DAB1: variants seen among roughly 807,000 people sequenced by gnomAD.
The protein encoded by DAB1 is disabled homolog 1.
In DAB1, 15 loss-of-function variants were observed where a neutral mutation model predicts 64.6. The ratio of observed to expected loss-of-function variants is 0.23; its 90% CI spans 0.16 to 0.36. The LOEUF (loss-of-function observed/expected upper bound fraction) is 0.36. DAB1 is among the 10% of genes least tolerant of loss of function. The pLI is 1.00. For missense variants in DAB1, 596 were observed against 706.7 expected, an observed-to-expected ratio of 0.84 and a Z score of 1.78; for synonymous variants, 235 against 251.9, an observed-to-expected ratio of 0.93 and a Z score of 0.64.
intron 7 of DAB1, among the ~76,000 whole-genome samples, chr1:57,557,803 G>A (rs1645007533): frequency 6.6e-6 from 1 of 152,080 alleles, no homozygotes; most frequent in Non-Finnish European, 1.5e-5. Flanking sequence ...GGAAAACCAA[G>A]GAACATAATG....
At chr1:58,240,704 A>G (rs754982023) in intron 4 of DAB1, among the ~76,000 whole-genome samples, 3 of 152,224 alleles carry the variant, frequency 2.0e-5, no homozygotes, top group East Asian at 3.8e-4. Flanking sequence ...AGCCAAAGCT[A>G]TATTTTCACT....
intron 4 of DAB1, among the ~76,000 whole-genome samples, chr1:58,289,861 G>T (rs1390214173): frequency 6.6e-6 from 1 of 152,152 alleles, no homozygotes. Flanking sequence ...CTACCCAAAA[G>T]ATGGCCCACA....
Position 57,125,935 on chromosome 1 carries a change from G to A in DAB1, c.306+10608C>T, listed in dbSNP as rs1657092660. 3.3e-5 allele frequency among the ~76,000 whole-genome samples: 5 copies of A among 152,104 alleles called. No individual in the cohort carries two copies. In the South Asian group the frequency reaches 8.3e-4, roughly 25 times the overall value. On this transcript the variant is annotated intron_variant, in intron 4 of 14. Transcript: ENST00000371236. ...CCAGAGGCTTCTTGACTTTTACAAC[G>A]AAAAATTCAGTGCAATTCCACAAAT...
chr1:57,640,577 G>C (rs767525061), intron 7 of DAB1, among the ~76,000 whole-genome samples: 1 of 152,082 alleles, frequency 6.6e-6, no homozygotes, highest in Non-Finnish European at 1.5e-5. Flanking sequence ...ACTTCAAAAA[G>C]CTTATTGCAC....
At chr1:57,245,718 T>G (rs1375729578) in intron 2 of DAB1, among the ~76,000 whole-genome samples, 2 of 152,258 alleles carry the variant, frequency 1.3e-5, no homozygotes, top group African/African-American at 4.8e-5. Context: ...TCTTTACTAT[T>G]GCGAATAGTG....
chr1:57,171,347 T>G (rs1329273498), intron 2 of DAB1, among the ~76,000 whole-genome samples: 1 of 152,236 alleles, frequency 6.6e-6, no homozygotes, highest in East Asian at 1.9e-4. Context: ...GTTTGCTTAG[T>G]ACAATGCAAA....
upstream of DAB1, among the ~76,000 whole-genome samples, chr1:57,888,860 AAAT>A (rs1370832646): frequency 2.6e-4 from 39 of 152,362 alleles, no homozygotes; most frequent in African/African-American, 9.1e-4. Context: ...TTTAAAAAGT[AAAT>A]AATATTTAGT....
At chr1:57,022,168 T>A (rs561251714) in intron 11 of DAB1, among the ~76,000 whole-genome samples, 5 of 152,196 alleles carry the variant, frequency 3.3e-5, no homozygotes, top group Non-Finnish European at 7.3e-5. Flanking sequence ...GAAATGAACA[T>A]GCCTGCAAAT....
intron 7 of DAB1, among the ~76,000 whole-genome samples, chr1:57,595,555 C>T (rs998452674): frequency 1.3e-5 from 2 of 152,106 alleles, no homozygotes; most frequent in African/African-American, 4.8e-5. Flanking sequence ...GAGCAAGTGG[C>T]TGTCCTAAGA....
chr1:58,514,940 C>A (rs529683860), intron 2 of DAB1, among the ~76,000 whole-genome samples: 4 of 152,152 alleles, frequency 2.6e-5, no homozygotes, highest in Non-Finnish European at 5.9e-5. Context: ...CTATACCTCA[C>A]AGGGTTGTTA....
chr1:57,566,741 C>G (rs1428501895), intron 7 of DAB1, among the ~76,000 whole-genome samples: 1 of 152,080 alleles, frequency 6.6e-6, no homozygotes, highest in African/African-American at 2.4e-5. Context: ...AGTTAAATCC[C>G]TGAATAGACC....
chr1:57,919,679 T>C (rs1469665803), intron 5 of DAB1, among the ~76,000 whole-genome samples: 1 of 152,234 alleles, frequency 6.6e-6, no homozygotes, highest in Non-Finnish European at 1.5e-5. Context: ...AAACAATGTA[T>C]AACCGGCAGG....
intron 1 of DAB1, among the ~76,000 whole-genome samples, chr1:57,829,733 A>T (rs566975296): frequency 6.6e-6 from 1 of 152,124 alleles, no homozygotes; most frequent in East Asian, 1.9e-4. Context: ...GCCCCCTTCC[A>T]CCCAGAGATT....
At position 58,145,265 on chromosome 1, in the gene DAB1, GCC is replaced by G. The variant is rs879794987; in HGVS notation, n.387+5244_387+5245del. On this transcript the variant is annotated intron_variant and non_coding_transcript_variant, in intron 5 of 20. Transcript: ENST00000485760. ...CCTCATGGGACTTTTTTGGGGCAATGCCTATACCTGCAGGTGCAGTGCCCTGC... is the reference window on the plus strand; with the variant it reads ...CCTCATGGGACTTTTTTGGGGCAATGTATACCTGCAGGTGCAGTGCCCTGC... 6.6e-3 allele frequency among the ~76,000 whole-genome samples: 1,009 copies of G among 152,292 alleles called. 7 individuals carry two copies. The highest frequency in any genetic ancestry group is 0.012 in the Non-Finnish European group (802 of 68,024).
intron 7 of DAB1, among the ~76,000 whole-genome samples, chr1:57,487,108 G>A (rs1415706955): frequency 6.6e-6 from 1 of 152,174 alleles, no homozygotes; most frequent in Non-Finnish European, 1.5e-5. Context: ...CAAGCCAGAT[G>A]GTGGCCCAGG....
chr1:58,491,997 T>C (rs902297922), intron 3 of DAB1, among the ~76,000 whole-genome samples: 8 of 152,144 alleles, frequency 5.3e-5, no homozygotes, highest in African/African-American at 1.4e-4. Context: ...TATTCCAAAA[T>C]TGACCACATA....
chr1:57,192,657 A>G (rs1664246183), intron 2 of DAB1, among the ~76,000 whole-genome samples: 1 of 152,306 alleles, frequency 6.6e-6, no homozygotes, highest in African/African-American at 2.4e-5. Flanking sequence ...TACCTGCACC[A>G]TGGCAGCCTT....
intron 7 of DAB1, among the ~76,000 whole-genome samples, chr1:57,589,617 TGTG>T (rs1645420181): frequency 6.6e-6 from 1 of 151,798 alleles, no homozygotes; most frequent in African/African-American, 2.4e-5. Context: ...ATTAGCCAGG[TGTG>T]GTGGTGCATG....
At chr1:57,593,054 G>A (rs1213071293) in intron 7 of DAB1, among the ~76,000 whole-genome samples, 4 of 152,124 alleles carry the variant, frequency 2.6e-5, no homozygotes, top group Non-Finnish European at 5.9e-5. Flanking sequence ...GTGGCATTAG[G>A]TACGTTCACA....
Sources: allele counts gnomAD v4.1 joint callset (sites outside exome capture counted in the v4.1 genomes callset), GRCh38; gene constraint gnomAD v4.1.1; transcripts MANE v1.5; gene names NCBI Gene and HGNC (gene_info 2026-07-23, HGNC 2026-07-21).